The following CLMN variants were observed in gnomAD, a reference collection of about 807,000 sequenced individuals.
CLMN encodes the protein calmin, also known as calmin (calponin-like, transmembrane).
In CLMN, 57 loss-of-function variants were observed where a neutral mutation model predicts 92.7. The ratio of observed to expected loss-of-function variants is 0.61; its 90% CI spans 0.50 to 0.77. CLMN has a LOEUF of 0.77. Among genes scored for constraint, CLMN ranks in the 30% least tolerant of loss-of-function variants. The probability of loss-of-function intolerance (pLI) is 0.00; values close to 1 mark genes in which losing one functional copy is unlikely to be tolerated. For synonymous variants in CLMN, 466 were observed against 470.6 expected, an observed-to-expected ratio of 0.99 and a Z score of 0.13; for missense variants, 1,158 against 1,237.5, an observed-to-expected ratio of 0.94 and a Z score of 0.96.
chr14:95,207,104 TA>T (rs991320770), intron 8 of CLMN, among the ~76,000 whole-genome samples: 15 of 152,158 alleles, frequency 9.9e-5, no homozygotes, highest in African/African-American at 3.4e-4. Flanking sequence ...AATTGACAAA[TA>T]ATAATTGTAT....
chr14:95,193,226 CG>C (rs747301777), intron 12 of CLMN: 4 of 774,132 alleles, frequency 5.2e-6, no homozygotes, highest in South Asian at 4.7e-5. Flanking sequence ...GAATTTGAGA[CG>C]TTTTTCTGGT....
intron 1 of CLMN, among the ~76,000 whole-genome samples, chr14:95,260,906 T>C (rs923643776): frequency 1.3e-5 from 2 of 152,122 alleles, no homozygotes; most frequent in Non-Finnish European, 2.9e-5. Context: ...GGAAATACAG[T>C]ATTAGGTTCC....
rs1382821571 is a variant in CLMN at position 95,206,179 on chromosome 14, A to G, written c.886-1716T>C. 3.3e-5 allele frequency among the ~76,000 whole-genome samples: 5 copies of G among 152,200 alleles called. 1 individual carries two copies. The highest frequency in any genetic ancestry group is 7.3e-5 in the Non-Finnish European group (5 of 68,030). On this transcript the variant is annotated intron_variant, in intron 8 of 12. Coordinates refer to ENST00000298912, the MANE Select transcript of CLMN (RefSeq NM_024734.4). ...CAAAGCACACTTCAAGATGGGGGAAATTTTATAAAAATAAAGCAATCAAGT... is the reference window on the plus strand; with the variant it reads ...CAAAGCACACTTCAAGATGGGGGAAGTTTTATAAAAATAAAGCAATCAAGT...
chr14:95,276,704 G>A (rs1899942267), intron 1 of CLMN, among the ~76,000 whole-genome samples: 1 of 152,150 alleles, frequency 6.6e-6, no homozygotes, highest in South Asian at 2.1e-4. Context: ...ACTCCTGGTT[G>A]GAGGTCACTG....
chr14:95,253,294 C>T (rs895474877), intron 1 of CLMN, among the ~76,000 whole-genome samples: 4 of 152,206 alleles, frequency 2.6e-5, no homozygotes, highest in Non-Finnish European at 4.4e-5. Flanking sequence ...ACTCACAGCG[C>T]TTACCCCTCC....
At position 95,213,401 on chromosome 14, in the gene CLMN, C is replaced by T. The variant is rs377078751; in HGVS notation, c.426G>A (p.Glu142=). ...WNIILFFQIK[E]LTGNLSRNSP... is the part of the protein sequence containing the mutation. ...AGTTTCTGCTGAGGTTGCCTGTGAG[C>T]TCCTTAATCTGGAAGGAAAATGGCA... Residue 142 remains glutamate (E), a synonymous_variant, in exon 6 of 13, where the codon GAG becomes GAA. Transcript: ENST00000298912. The T allele has an allele frequency of 6.9e-6, 11 of 1,599,552 alleles. No individual in the cohort carries two copies. The African/African-American group carries it at 1.2e-4, about 18-fold the overall frequency.
intron 3 of CLMN, 133 bp from the exon 4 acceptor site, chr14:95,221,907 A>C: frequency 1.3e-6 from 1 of 767,192 alleles, no homozygotes; most frequent in Non-Finnish European, 2.1e-6. Flanking sequence ...CACAGCTAAA[A>C]CCCACCTGGA....
chr14:95,280,384 A>G (rs1046773009), intron 1 of CLMN, among the ~76,000 whole-genome samples: 5 of 152,230 alleles, frequency 3.3e-5, no homozygotes. Context: ...TGTAACATTA[A>G]AAGATAATAA....
At chr14:95,228,970 C>G (rs185764206) in intron 2 of CLMN, among the ~76,000 whole-genome samples, 4 of 152,268 alleles carry the variant, frequency 2.6e-5, no homozygotes, top group African/African-American at 9.6e-5. Flanking sequence ...CCACTGTGCC[C>G]GGCCTCTCTT....
At chr14:95,198,042 CTTT>C (rs1019598103) in intron 9 of CLMN, among the ~76,000 whole-genome samples, 15 of 69,956 alleles carry the variant, frequency 2.1e-4, no homozygotes, top group African/African-American at 8.9e-4. Context: ...TTTTTTCTTT[CTTT>C]TTTTTTTTTT....
At chr14:95,290,787 T>C (rs1900534225) in intron 1 of CLMN, among the ~76,000 whole-genome samples, 1 of 152,198 alleles carries the variant, frequency 6.6e-6, no homozygotes. Context: ...CTTATGGTGC[T>C]TTCAGCTCCC....
At chr14:95,245,210 A>T (rs56225408) in intron 1 of CLMN, among the ~76,000 whole-genome samples, 5,737 of 23,850 alleles carry the variant, frequency 0.24, 787 homozygotes, top group East Asian at 0.5. Context: ...TATATATATT[A>T]TATATATATA....
At chr14:95,263,361 C>A (rs1248006836) in intron 1 of CLMN, among the ~76,000 whole-genome samples, 2 of 152,284 alleles carry the variant, frequency 1.3e-5, no homozygotes, top group Admixed American at 6.5e-5. Context: ...TTACCTCCCG[C>A]CAGGTTGGTC....
At position 95,203,426 on chromosome 14, in the gene CLMN, G is replaced by A. The variant is rs1896946530; in HGVS notation, c.1923C>T (p.Gly641=). Residue 641 remains glycine (G), a synonymous_variant, in exon 9 of 13, where the codon GGC becomes GGT. Transcript: ENST00000298912. ...PHQDSGEEAE[G]CPSAPEETPV... ...GTGTCTCTTCTGGGGCTGAAGGACA[G>A]CCTTCAGCTTCTTCTCCGGAGTCCT... 1 of 1,614,156 alleles carries A rather than the reference G, an allele frequency of 6.2e-7. No homozygotes were observed.
intron 8 of CLMN, among the ~76,000 whole-genome samples, chr14:95,207,337 C>G (rs548388436): frequency 3.0e-4 from 45 of 152,252 alleles, no homozygotes; most frequent in Non-Finnish European, 5.3e-4. Context: ...CCAGGCTGGT[C>G]TTTAACTCCT....
chr14:95,213,284 T>C lies in CLMN; in HGVS notation c.543A>G (p.Ile181Met), dbSNP rs1319387235. Residue 181 changes from isoleucine (I) to methionine (M), a missense_variant, in exon 6 of 13, where the codon ATA (isoleucine) becomes ATG (methionine). Transcript: ENST00000298912. ...PTPTAERSVA[I>M]SVKDQRKAIK... ...TAGCCTTCCTCTGGTCTTTCACCGA[T>C]ATTGCCACGCTCCTCTCTGCAGTGG... is the stretch of plus-strand genomic sequence containing the variant. 1 of 1,613,990 alleles carries C rather than the reference T, an allele frequency of 6.2e-7. No individual in the cohort carries two copies. Among genetic ancestry groups the C allele is most frequent in the Non-Finnish European group, 8.5e-7 (1 of 1,179,962 alleles).
chr14:95,204,565 C>G, intron 8 of CLMN, 102 bp from the exon 9 acceptor site: 7 of 1,082,784 alleles, frequency 6.5e-6, no homozygotes, highest in Non-Finnish European at 8.9e-6. Flanking sequence ...AAGTACAACC[C>G]ATATCCACCT....
intron 12 of CLMN, chr14:95,193,413 T>G: frequency 6.5e-7 from 1 of 1,529,332 alleles, no homozygotes; most frequent in Non-Finnish European, 8.8e-7. Context: ...CTGAGTACTG[T>G]ACCTGCAGTG....
rs201712264 is a variant in CLMN, at chr14:95,202,824, C to T, written c.2511+14G>A. 7.3e-6 allele frequency: 11 copies of T among 1,511,076 alleles called. No individual in the cohort carries two copies. In the East Asian group the frequency reaches 2.1e-4, roughly 28 times the overall value. 93.6% of individuals were successfully genotyped at this position (1,511,076 alleles called of 1,614,324 possible). On this transcript the variant is annotated intron_variant, in intron 9 of 12. Coordinates refer to ENST00000298912, the MANE Select transcript of CLMN (RefSeq NM_024734.4). Reference sequence around the variant, plus strand: ...AGGCAGGACCCAGGGTTCCCAAATCCCACGGTTGAGTACCTGATGGCTGTC... The same window carrying T: ...AGGCAGGACCCAGGGTTCCCAAATCTCACGGTTGAGTACCTGATGGCTGTC...
Sources: gnomAD v4.1 joint callset for allele counts (sites outside exome capture counted in the v4.1 genomes callset) on GRCh38, gnomAD v4.1.1 for gene constraint, MANE v1.5 for transcripts, NCBI Gene and HGNC (gene_info 2026-07-23, HGNC 2026-07-21) for gene names.